The following CCP110 variants were observed in gnomAD, a reference collection of about 807,000 sequenced individuals.
CCP110 encodes centriolar coiled-coil protein 110.
A neutral mutation model predicts 105.5 loss-of-function variants in CCP110; 43 were observed. That is an observed-to-expected ratio of 0.41 (90% confidence interval 0.32 to 0.53). The LOEUF is 0.53. CCP110 is among the 20% of genes least tolerant of loss of function. CCP110 has a pLI of 0.32. For synonymous variants in CCP110, 353 were observed against 392.1 expected, an observed-to-expected ratio of 0.90 and a Z score of 1.18; for missense variants, 1,016 against 1,189.1, an observed-to-expected ratio of 0.85 and a Z score of 2.14.
At chr16:19,551,227 G>A in exon 15 of CCP110, 1 of 1,612,574 alleles carries the variant, frequency 6.2e-7, no homozygotes, top group East Asian at 2.2e-5. Flanking sequence ...AAAGAAAGCG[G>A]CCAAATGTTG....
chr16:19,537,181 G>A, exon 4 of CCP110: 1 of 1,614,210 alleles, frequency 6.2e-7, no homozygotes, highest in Non-Finnish European at 8.5e-7. Flanking sequence ...TGCCAAAGCT[G>A]CATGAACCAT....
At chr16:19,544,198 T>C (rs1298200469) in intron 8 of CCP110, among the ~76,000 whole-genome samples, 2 of 152,150 alleles carry the variant, frequency 1.3e-5, no homozygotes, top group Non-Finnish European at 2.9e-5. Context: ...TTATGAAAAA[T>C]AGAAAGAACC....
intron 5 of CCP110, among the ~76,000 whole-genome samples, chr16:19,541,449 A>G (rs1379027019): frequency 3.3e-5 from 5 of 152,102 alleles, no homozygotes. Flanking sequence ...CCTGGCCAAC[A>G]TATAGTGAAA....
chr16:19,530,521 C>G (rs1276050475), intron 2 of CCP110, among the ~76,000 whole-genome samples: 6 of 151,524 alleles, frequency 4.0e-5, no homozygotes, highest in Non-Finnish European at 7.4e-5. Context: ...TGGTGGATGC[C>G]TGTAATCCCA....
chr16:19,537,054 G>A, exon 4 of CCP110: 1 of 1,614,202 alleles, frequency 6.2e-7, no homozygotes, highest in African/African-American at 1.3e-5. Flanking sequence ...AATCAGGTAT[G>A]TCAATCTTCA....
At position 19,548,051 on chromosome 16, in the gene CCP110, A is replaced by T; in HGVS notation, c.2900+37A>T. The T allele has an allele frequency of 7.3e-7, 1 of 1,367,002 alleles. No individual in the cohort carries two copies. The highest frequency in any genetic ancestry group is 1.4e-5 in the African/African-American group (1 of 70,048). The allele number at this position is 1,367,002 out of a possible 1,614,324, so 84.7% of individuals were successfully genotyped here. The stretch of plus-strand genomic sequence containing the variant: ...ACACACGGGTATTGAAAACTACGGA[A>T]ACCAAGATTAGATTTGAGAGGGAAA... On this transcript the variant is annotated intron_variant, in intron 13 of 14. Transcript: ENST00000381396. The surrounding 1 kb of genome is among the most constrained non-coding windows in gnomAD (Gnocchi z 4.1).
chr16:19,549,826 C>CT (rs1970577453), intron 14 of CCP110, among the ~76,000 whole-genome samples: 1 of 152,222 alleles, frequency 6.6e-6, no homozygotes, highest in Non-Finnish European at 1.5e-5. Flanking sequence ...AGTGACTACT[C>CT]TCCATGTTCT....
At chr16:19,546,523 A>G in intron 12 of CCP110, 49 bp downstream of exon 12, 3 of 1,044,158 alleles carry the variant, frequency 2.9e-6, no homozygotes, top group Non-Finnish European at 4.2e-6. Flanking sequence ...TTTTTTATAG[A>G]AAAAAAAAAT....
intron 3 of CCP110, among the ~76,000 whole-genome samples, chr16:19,533,238 G>T (rs557589048): frequency 3.9e-5 from 6 of 152,002 alleles, no homozygotes; most frequent in Non-Finnish European, 8.8e-5. Context: ...TCGTATCGAT[G>T]ACACGTGTAT....
chr16:19,537,615 C>T (rs1970124150), intron 4 of CCP110, 28 bp downstream of exon 4: 1 of 1,268,216 alleles, frequency 7.9e-7, no homozygotes, highest in African/African-American at 1.5e-5. Flanking sequence ...CGTTTGATAC[C>T]TTCTATGCAG....
At chr16:19,531,899 G>C (rs1969882992) in intron 2 of CCP110, among the ~76,000 whole-genome samples, 1 of 151,294 alleles carries the variant, frequency 6.6e-6, no homozygotes, top group African/African-American at 2.4e-5. Context: ...CCAGGAGGCG[G>C]AGGTTGCAGT....
At chr16:19,540,311 G>A (rs1039001769) in intron 4 of CCP110, among the ~76,000 whole-genome samples, 1 of 152,202 alleles carries the variant, frequency 6.6e-6, no homozygotes, top group Non-Finnish European at 1.5e-5. Context: ...TGGAGGACAA[G>A]TGTCAAAAAA....
At chr16:19,542,004 TTGC>T in exon 6 of CCP110, 1 of 1,612,472 alleles carries the variant, frequency 6.2e-7, no homozygotes, top group Non-Finnish European at 8.5e-7. Context: ...TGACTCTAGT[TTGC>T]TGGAAACAAT....
At chr16:19,529,890 T>TA (rs766481203) in intron 2 of CCP110, among the ~76,000 whole-genome samples, 2 of 152,192 alleles carry the variant, frequency 1.3e-5, no homozygotes, top group Non-Finnish European at 2.9e-5. Context: ...CTGTACGTCT[T>TA]AAAAACAGTT....
At chr16:19,530,125 A>G (rs945444840) in intron 2 of CCP110, among the ~76,000 whole-genome samples, 8 of 152,064 alleles carry the variant, frequency 5.3e-5, no homozygotes, top group African/African-American at 1.7e-4. Flanking sequence ...TGAGCCCGGG[A>G]GGCTGAGGCT....
intron 3 of CCP110, among the ~76,000 whole-genome samples, chr16:19,535,132 G>A (rs1970005145): frequency 6.6e-6 from 1 of 151,850 alleles, no homozygotes; most frequent in Non-Finnish European, 1.5e-5. Flanking sequence ...CGCCCGCCTC[G>A]GCCTCCCAAA....
intron 8 of CCP110, among the ~76,000 whole-genome samples, 164 bp downstream of exon 8, chr16:19,543,158 G>C (rs761328804): frequency 6.6e-6 from 1 of 152,178 alleles, no homozygotes; most frequent in African/African-American, 2.4e-5. Flanking sequence ...CAGGGACCCC[G>C]AATGGAGGGA....
intron 5 of CCP110, 52 bp downstream of exon 5, chr16:19,540,839 A>AGTAT (rs1567360038): frequency 1.3e-6 from 2 of 1,574,372 alleles, no homozygotes; most frequent in South Asian, 2.3e-5. Context: ...AGCCAAGGAT[A>AGTAT]CCTATGAATT....
intron 3 of CCP110, among the ~76,000 whole-genome samples, chr16:19,534,813 T>C (rs1165078514): frequency 6.6e-6 from 1 of 151,672 alleles, no homozygotes; most frequent in Non-Finnish European, 1.5e-5. Flanking sequence ...AGGAGAGCCA[T>C]GTGGTCTAGA....
Sources: gnomAD v4.1 joint callset for allele counts (sites outside exome capture counted in the v4.1 genomes callset) on GRCh38, gnomAD v4.1.1 for gene constraint, Gnocchi (gnomAD v3.1) non-coding constraint, MANE v1.5 for transcripts, NCBI Gene and HGNC (gene_info 2026-07-23, HGNC 2026-07-21) for gene names.